The following NRXN1 variants were observed in gnomAD, a reference collection of about 807,000 sequenced individuals.
NRXN1 encodes neurexin 1, also known as neurexin-1.
NRXN1 carries 39 observed loss-of-function variants against 150.9 expected under a neutral mutation model. That is an observed-to-expected ratio of 0.26 (90% CI 0.20 to 0.34). The LOEUF (loss-of-function observed/expected upper bound fraction) is 0.34. NRXN1 is among the 10% of genes least tolerant of loss of function. The probability of loss-of-function intolerance (pLI) is 1.00; values close to 1 mark genes in which losing one functional copy is unlikely to be tolerated. For synonymous variants in NRXN1, 924 were observed against 757.0 expected (o/e 1.22, Z -3.62); for missense variants, 1,815 against 1,949.9 (o/e 0.93, Z 1.30).
intron 2 of NRXN1, among the ~76,000 whole-genome samples, chr2:50,953,562 T>TA (rs1691768386): frequency 1.3e-5 from 2 of 151,820 alleles, no homozygotes; most frequent in Non-Finnish European, 1.5e-5. Context: ...GACAATTTTT[T>TA]TTTTTTTTTT....
At chr2:50,258,601 C>G (rs541608412) in intron 17 of NRXN1, among the ~76,000 whole-genome samples, 19 of 152,122 alleles carry the variant, frequency 1.2e-4, no homozygotes, top group Admixed American at 6.6e-4. Flanking sequence ...CCTATTAGCA[C>G]TGATATTTTT....
chr2:50,157,606 G>A (rs1488204819), intron 18 of NRXN1, among the ~76,000 whole-genome samples: 2 of 151,860 alleles, frequency 1.3e-5, no homozygotes, highest in Non-Finnish European at 2.9e-5. Context: ...TTCAAGGTAC[G>A]AACATGACAG....
chr2:50,206,168 T>A (rs2062554803), intron 18 of NRXN1, among the ~76,000 whole-genome samples: 1 of 151,974 alleles, frequency 6.6e-6, no homozygotes, highest in African/African-American at 2.4e-5. Flanking sequence ...GCAAAAATTA[T>A]ATGTGTGAAT....
Position 49,987,226 on chromosome 2 carries a change from C to T in NRXN1, c.4129-43435G>A, listed in dbSNP as rs1351251593. On this transcript the variant is annotated intron_variant, in intron 21 of 22. Transcript: ENST00000401669. ...CAATTCTGCTCTCTATTTCAATGAG[C>T]TAAATTTCTCTTAGCTCCCACATAT... Among the ~76,000 whole-genome samples, 3 of 151,988 alleles carry T rather than the reference C, an allele frequency of 2.0e-5. 1 individual carries two copies. Among genetic ancestry groups the T allele is most frequent in the Admixed American group, 2.0e-4 (3 of 15,252 alleles).
chr2:50,411,420 G>C (rs112400851), intron 17 of NRXN1, among the ~76,000 whole-genome samples: 1 of 151,970 alleles, frequency 6.6e-6, no homozygotes, highest in Non-Finnish European at 1.5e-5. Context: ...CCAAAGTGCC[G>C]AGATTGCAGC....
chr2:50,415,164 A>G (rs553912662), intron 17 of NRXN1, among the ~76,000 whole-genome samples: 2 of 152,270 alleles, frequency 1.3e-5, no homozygotes, highest in African/African-American at 4.8e-5. Context: ...AAAATTGAAA[A>G]AAGAAGATAA....
At chr2:50,164,963 A>T (rs1451982822) in intron 18 of NRXN1, among the ~76,000 whole-genome samples, 2 of 152,150 alleles carry the variant, frequency 1.3e-5, no homozygotes, top group African/African-American at 2.4e-5. Context: ...CTGTGGCTTG[A>T]GGCTATACAT....
At chr2:50,001,893 G>A (rs1042225194) in intron 21 of NRXN1, among the ~76,000 whole-genome samples, 1 of 151,962 alleles carries the variant, frequency 6.6e-6, no homozygotes, top group African/African-American at 2.4e-5. Context: ...ATGTTATAAA[G>A]ACTCCATCTT....
chr2:50,745,324 C>A (rs546856702), intron 5 of NRXN1, among the ~76,000 whole-genome samples: 12 of 124,734 alleles, frequency 9.6e-5, no homozygotes, highest in African/African-American at 1.8e-4. Context: ...TGAAAAAAAA[C>A]CACTTTAACT....
intron 15 of NRXN1, among the ~76,000 whole-genome samples, chr2:50,488,893 C>T (rs1171531995): frequency 1.3e-5 from 2 of 152,130 alleles, no homozygotes; most frequent in East Asian, 3.9e-4. Context: ...CCTGGCATTC[C>T]CTAAAGAGGG....
intron 2 of NRXN1, among the ~76,000 whole-genome samples, chr2:50,936,050 T>G (rs919812508): frequency 6.6e-6 from 1 of 152,156 alleles, no homozygotes; most frequent in Non-Finnish European, 1.5e-5. Flanking sequence ...GCAATGCATT[T>G]ATACCTCAAT....
chr2:50,593,238 CAAG>C (rs1376960397), intron 8 of NRXN1, among the ~76,000 whole-genome samples: 1 of 152,176 alleles, frequency 6.6e-6, no homozygotes, highest in Admixed American at 6.5e-5. Context: ...TGTAAATGCA[CAAG>C]AATATGTTTG....
chr2:50,213,686 G>A (rs936960944), intron 18 of NRXN1, among the ~76,000 whole-genome samples: 5 of 151,442 alleles, frequency 3.3e-5, no homozygotes, highest in South Asian at 2.1e-4. Context: ...ATGCCTCCTC[G>A]AGTCATTAGC....
intron 17 of NRXN1, among the ~76,000 whole-genome samples, chr2:50,458,881 A>T (rs922716221): frequency 9.9e-5 from 15 of 152,102 alleles, no homozygotes; most frequent in Admixed American, 9.2e-4. Context: ...TGCCCGGCAT[A>T]AAATTTTAAA....
chr2:50,792,895 G>C (rs1706258003), intron 5 of NRXN1, among the ~76,000 whole-genome samples: 1 of 151,998 alleles, frequency 6.6e-6, no homozygotes, highest in Non-Finnish European at 1.5e-5. Context: ...AGTAACATAA[G>C]CTGTAAGCAG....
chr2:50,628,586 T>C (rs1280083693), intron 5 of NRXN1, among the ~76,000 whole-genome samples: 1 of 151,756 alleles, frequency 6.6e-6, no homozygotes, highest in African/African-American at 2.4e-5. Context: ...GTAAGTAAGC[T>C]TTGTGCTATT....
At chr2:50,858,221 C>T (rs1675556658) in intron 5 of NRXN1, among the ~76,000 whole-genome samples, 1 of 151,872 alleles carries the variant, frequency 6.6e-6, no homozygotes, top group Non-Finnish European at 1.5e-5. Flanking sequence ...AATAAAGACA[C>T]AAATACAACA....
intron 21 of NRXN1, among the ~76,000 whole-genome samples, chr2:50,030,414 G>C (rs925477931): frequency 5.3e-5 from 8 of 152,080 alleles, no homozygotes; most frequent in African/African-American, 1.7e-4. Context: ...ACACATAGGA[G>C]TCTATCATAA....
intron 8 of NRXN1, among the ~76,000 whole-genome samples, chr2:50,611,397 A>T (rs940879411): frequency 2.0e-5 from 3 of 152,160 alleles, no homozygotes; most frequent in Non-Finnish European, 2.9e-5. Flanking sequence ...GGTCCCCTGG[A>T]AAGGAAAGAT....
Sources: allele counts gnomAD v4.1 joint callset (sites outside exome capture counted in the v4.1 genomes callset), GRCh38; gene constraint gnomAD v4.1.1; transcripts MANE v1.5; gene names NCBI Gene and HGNC (gene_info 2026-07-23, HGNC 2026-07-21).